Variants in PER2 observed in about 807,000 individuals in gnomAD.
The protein encoded by PER2 is period circadian regulator 2.
Under a neutral mutation model 121.0 loss-of-function variants are expected in PER2, and 66 were observed. The observed-to-expected ratio is 0.55, with a 90% CI of 0.45 to 0.67. PER2 has a LOEUF of 0.67. Ranked by LOEUF, PER2 falls within the 30% of genes least tolerant of loss-of-function variation. The pLI is 0.00. For missense variants in PER2, 1,521 were observed against 1,635.0 expected, an observed-to-expected ratio of 0.93 and a Z score of 1.20; for synonymous variants, 684 against 659.9, an observed-to-expected ratio of 1.04 and a Z score of -0.56.
the PER2 span, among the ~76,000 whole-genome samples, chr2:238,296,025 G>A: frequency 6.6e-6 from 1 of 151,406 alleles, no homozygotes. Context: ...TCAGTCGTGT[G>A]CCCTCCTGCT....
intron 1 of PER2, among the ~76,000 whole-genome samples, chr2:238,286,521 T>C (rs997483031): frequency 6.8e-6 from 1 of 146,172 alleles, no homozygotes; most frequent in African/African-American, 2.6e-5. Context: ...GTGCGTGGGC[T>C]GGGGGAGGGG....
rs1010485454 is a variant in PER2 at position 238,271,394 on chromosome 2, G to C, written c.690C>G (p.Phe230Leu). Reference sequence around the variant, plus strand: ...ACACGCCCACATCGTGAGGCGCCAGGAACTCCACAAACTTGGCATCGCTGA... The same window carrying C: ...ACACGCCCACATCGTGAGGCGCCAGCAACTCCACAAACTTGGCATCGCTGA... Reference protein sequence around the residue: ...DAFSDAKFVEFLAPHDVGVFH... With the variant: ...DAFSDAKFVELLAPHDVGVFH... The change falls in exon 6 of 23, where the codon TTC becomes TTG. Residue 230 changes from phenylalanine to leucine, a missense_variant. Transcript: ENST00000254657. The C allele has an allele frequency of 6.2e-7, 1 of 1,614,064 alleles. No homozygotes were observed. Among genetic ancestry groups the C allele is most frequent in the African/African-American group, 1.3e-5 (1 of 74,940 alleles).
rs1574848282 is a variant in PER2 at position 238,262,826 on chromosome 2, C to T, written c.1153+126G>A. 32 of 719,588 alleles carry T rather than the reference C, an allele frequency of 4.4e-5. No homozygotes were observed. The East Asian group carries it at 6.2e-4, about 14-fold the overall frequency. The allele number at this position is 719,588 out of a possible 1,614,324, so 44.6% of individuals were successfully genotyped here. ...GCCAGGAGGGAGGCGGCGAGGCGGG[C>T]GTCTACCACCTGCTTGTCCTTAGCT... On this transcript the variant is annotated intron_variant, in intron 10 of 22. Transcript: ENST00000254657.
At chr2:238,285,547 C>A (rs1448062074) in intron 1 of PER2, among the ~76,000 whole-genome samples, 16 of 152,214 alleles carry the variant, frequency 1.1e-4, no homozygotes, top group Admixed American at 1.0e-3. Context: ...GTACTCAATA[C>A]CTGCAAACCT....
rs533560663 is a variant in PER2 at position 238,274,593 on chromosome 2, G to A, written c.448+1150C>T. Among the ~76,000 whole-genome samples the A allele has an allele frequency of 2.6e-5, 4 of 152,320 alleles. No individual in the cohort carries two copies. The East Asian group carries it at 7.7e-4, about 29-fold the overall frequency. ...AGGCCAACAGGGAAACACCTTAAATGGACATAATCACTGGAGAACAGAGCA... is the reference window on the plus strand; with the variant it reads ...AGGCCAACAGGGAAACACCTTAAATAGACATAATCACTGGAGAACAGAGCA... On this transcript the variant is annotated intron_variant, in intron 4 of 22. Coordinates refer to ENST00000254657, the MANE Select transcript of PER2 (RefSeq NM_022817.3).
intron 8 of PER2, among the ~76,000 whole-genome samples, chr2:238,265,864 A>AC (rs1696078839): frequency 6.6e-6 from 1 of 151,572 alleles, no homozygotes; most frequent in African/African-American, 2.4e-5. Flanking sequence ...CCACGTAAAG[A>AC]CTACTCTTAG....
At position 238,282,407 on chromosome 2, in the gene PER2, C is replaced by A. The variant is rs560365964; in HGVS notation, c.-19-4452G>T. 5.4e-3 allele frequency among the ~76,000 whole-genome samples: 816 copies of A among 152,254 alleles called. 8 individuals are homozygous for A. Among genetic ancestry groups the A allele is most frequent in the Non-Finnish European group, 8.0e-3 (546 of 68,022 alleles). On this transcript the variant is annotated intron_variant, in intron 1 of 22. Transcript: ENST00000254657. ...CTGCCTCCCCTCTGGGACCTAAGCT[C>A]CATGGGGGCAGGGGTTTGCGTTGGT...
At chr2:238,257,304 C>A (rs1029124354) in intron 16 of PER2, among the ~76,000 whole-genome samples, 26 of 152,190 alleles carry the variant, frequency 1.7e-4, no homozygotes, top group Non-Finnish European at 3.2e-4. Context: ...GAAATGGGAG[C>A]AGTTACACAC....
At chr2:238,296,666 G>T in the PER2 span, among the ~76,000 whole-genome samples, 1 of 140,480 alleles carries the variant, frequency 7.1e-6, no homozygotes, top group Non-Finnish European at 1.5e-5. Flanking sequence ...TGCAGAGTCA[G>T]TCGTGTGCCC....
chr2:238,297,758 C>G, the PER2 span, among the ~76,000 whole-genome samples: 2 of 152,222 alleles, frequency 1.3e-5, no homozygotes, highest in Non-Finnish European at 2.9e-5. Context: ...TGCCAGGGCT[C>G]TTCCCAAAAC....
rs1184846250 is a variant in PER2, at chr2:238,273,234, C to A, written c.449-43G>T. 4 of 1,605,172 alleles carry A rather than the reference C, an allele frequency of 2.5e-6. No individual in the cohort carries two copies. In the South Asian group the frequency reaches 4.4e-5, roughly 18 times the overall value. On this transcript the variant is annotated intron_variant, in intron 4 of 22. Transcript: ENST00000254657. ...TTCACTCAGTGGGCAGAACCCAGCGCTTGGCCGGAGACAGTCACTAGCTCT... is the reference window on the plus strand; with the variant it reads ...TTCACTCAGTGGGCAGAACCCAGCGATTGGCCGGAGACAGTCACTAGCTCT...
In PER2 at chr2:238,249,140, C is replaced by T. The variant is rs117025694; in HGVS notation, c.3540G>A (p.Thr1180=). The change falls in exon 22 of 23, where the codon ACG becomes ACA. Residue 1180 remains threonine, a synonymous_variant. Transcript: ENST00000254657. The part of the protein sequence containing the change: ...KLLQKLQPRF[T]ESQKQELREV... ...CGCGCAGCTCCTGCTTCTGACTCTCCGTGAACCTGGGCTGGAGTTTCTGTA... is the reference window on the plus strand; with the variant it reads ...CGCGCAGCTCCTGCTTCTGACTCTCTGTGAACCTGGGCTGGAGTTTCTGTA... 3.6e-5 allele frequency: 58 copies of T among 1,614,152 alleles called. No homozygotes were observed. In the East Asian group the frequency reaches 5.8e-4, roughly 16 times the overall value.
intron 9 of PER2, among the ~76,000 whole-genome samples, 177 bp from the exon 10 acceptor site, chr2:238,263,235 A>T (rs1406542531): frequency 6.6e-6 from 1 of 150,698 alleles, no homozygotes; most frequent in Non-Finnish European, 1.5e-5. Context: ...TCAATAGCAA[A>T]CGAAGGTTCA....
intron 1 of PER2, among the ~76,000 whole-genome samples, chr2:238,280,940 A>C (rs1310163714): frequency 6.6e-6 from 1 of 152,180 alleles, no homozygotes; most frequent in East Asian, 1.9e-4. Flanking sequence ...AAAGGATGAA[A>C]AAAAAATCAC....
chr2:238,247,091 G>A (rs880140), intron 22 of PER2: 9,015 of 152,808 alleles, frequency 0.059, 314 homozygotes, highest in South Asian at 0.12. Flanking sequence ...AAAAGGTGAC[G>A]CAATGATTTT....
chr2:238,273,040 T>C (rs1185203623), intron 5 of PER2, 30 bp downstream of exon 5: 1 of 1,613,280 alleles, frequency 6.2e-7, no homozygotes, highest in South Asian at 1.1e-5. Flanking sequence ...CCTGCCATTT[T>C]AGAAAGAAAC....
rs1559323752 is a variant in PER2, at chr2:238,253,647, T to C, written c.2376A>G (p.Gly792=). The C allele has an allele frequency of 6.2e-7, 1 of 1,609,340 alleles. No homozygotes were observed. Among genetic ancestry groups the C allele is most frequent in the Non-Finnish European group, 8.5e-7 (1 of 1,177,608 alleles). ...SGIDSPWKKT[G]KNRKLKSKRV... is the part of the protein sequence containing the mutation. ...GCTTGGACTTCAATTTTCTGTTCTT[T>C]CCTGTTTTTTTCCAAGGTGAATCTA... The change falls in exon 19 of 23, where the codon GGA becomes GGG. Residue 792 remains glycine (G), a synonymous_variant. Transcript: ENST00000254657. The surrounding 1 kb of genome is among the most constrained non-coding windows in gnomAD (Gnocchi z 5.6).
rs143835661 is a variant in PER2 at position 238,253,609 on chromosome 2, C to T, written c.2414G>A (p.Arg805Gln). The change falls in exon 19 of 23, where the codon CGA becomes CAA. Residue 805 changes from arginine (R) to glutamine (Q), a missense_variant. Arg to Gln is a conservative substitution (Grantham distance 43). Transcript: ENST00000254657. This position sits in a 1 kb window ranked among gnomAD's most constrained non-coding sequence, Gnocchi z 5.6. ...AGATCCGGTGCTCTCAGATGAGTCT[C>T]GAGGTTTGACCCGCTTGGACTTCAA... ...RKLKSKRVKP[R>Q]DSSESTGSGG... The T allele has an allele frequency of 7.3e-5, 117 of 1,609,742 alleles. No homozygotes were observed. Among genetic ancestry groups the T allele is most frequent in the Non-Finnish European group, 9.3e-5 (110 of 1,178,060 alleles).
upstream of PER2, among the ~76,000 whole-genome samples, chr2:238,293,136 CT>C (rs1010750837): frequency 7.3e-5 from 11 of 151,716 alleles, no homozygotes; most frequent in Non-Finnish European, 1.3e-4. Flanking sequence ...TACATCTAAT[CT>C]TTTCTTTTTT....
Sources: allele counts gnomAD v4.1 joint callset (sites outside exome capture counted in the v4.1 genomes callset), GRCh38; gene constraint gnomAD v4.1.1; non-coding constraint Gnocchi (gnomAD v3.1); transcripts MANE v1.5; gene names NCBI Gene and HGNC (gene_info 2026-07-23, HGNC 2026-07-21).